Variants in AKT3 observed in about 807,000 individuals in gnomAD.
AKT3 encodes the protein AKT serine/threonine kinase 3.
AKT3 carries 15 observed loss-of-function variants against 65.3 expected under a neutral mutation model. That is an observed-to-expected ratio of 0.23 (90% CI 0.15 to 0.35). The LOEUF is 0.35. AKT3 is among the 10% of genes least tolerant of loss of function. AKT3 has a pLI of 1.00. For missense variants in AKT3, 243 were observed against 576.5 expected (o/e 0.42, Z 5.92); for synonymous variants, 206 against 183.8 (o/e 1.12, Z -0.98).
intron 2 of AKT3, among the ~76,000 whole-genome samples, chr1:243,706,715 G>A (rs1020517546): frequency 2.0e-5 from 3 of 152,094 alleles, no homozygotes; most frequent in African/African-American, 7.3e-5. Flanking sequence ...GGAAGAAGAG[G>A]TAAGAGCAAG....
chr1:243,710,802 A>T (rs571176998), intron 2 of AKT3, among the ~76,000 whole-genome samples: 1 of 152,320 alleles, frequency 6.6e-6, no homozygotes, highest in South Asian at 2.1e-4. Context: ...ATGTGAGCTT[A>T]ATTAGTTTCT....
intron 1 of AKT3, among the ~76,000 whole-genome samples, chr1:243,849,386 A>ACCCCCCCCCCCC (rs57424400): frequency 3.9e-3 from 422 of 107,064 alleles, no homozygotes; most frequent in African/African-American, 8.1e-3. Flanking sequence ...CCACACACAC[A>ACCCCCCCCCCCC]CCCCCCCCCC....
chr1:243,761,244 T>A (rs1689473284), intron 2 of AKT3, among the ~76,000 whole-genome samples: 1 of 152,136 alleles, frequency 6.6e-6, no homozygotes, highest in African/African-American at 2.4e-5. Context: ...CAGTGAAATA[T>A]AAAACTATAC....
intron 12 of AKT3, among the ~76,000 whole-genome samples, chr1:243,529,778 T>G (rs576980404): frequency 2.0e-5 from 3 of 152,226 alleles, no homozygotes; most frequent in Non-Finnish European, 4.4e-5. Context: ...TTCGGGTTCT[T>G]TTTCGGGTCC....
intron 2 of AKT3, among the ~76,000 whole-genome samples, chr1:243,774,336 G>C (rs1308642130): frequency 6.6e-6 from 1 of 152,052 alleles, no homozygotes; most frequent in African/African-American, 2.4e-5. Context: ...TTATACCATT[G>C]CTACAATACT....
intron 1 of AKT3, chr1:243,843,597 G>A (rs1166429375): frequency 5.0e-6 from 5 of 998,880 alleles, no homozygotes; most frequent in African/African-American, 1.7e-5. Context: ...GAAGAGGGAA[G>A]AGAATGAAAG....
chr1:243,801,749 A>C (rs539751160), intron 2 of AKT3, among the ~76,000 whole-genome samples: 30 of 152,344 alleles, frequency 2.0e-4, no homozygotes, highest in African/African-American at 6.3e-4. Flanking sequence ...AATTTAATCT[A>C]CTATTTCAAA....
chr1:243,530,682 T>C (rs1371029614), intron 12 of AKT3, among the ~76,000 whole-genome samples: 1 of 152,008 alleles, frequency 6.6e-6, no homozygotes, highest in African/African-American at 2.4e-5. Flanking sequence ...CAGAGCGGAA[T>C]TGAAGGAAAT....
At chr1:243,554,627 G>C (rs990593223) in intron 10 of AKT3, among the ~76,000 whole-genome samples, 3 of 152,142 alleles carry the variant, frequency 2.0e-5, no homozygotes, top group African/African-American at 7.2e-5. Context: ...TGGCCAATTA[G>C]TACAATGCAC....
chr1:243,681,880 T>C (rs1162818447), intron 3 of AKT3, among the ~76,000 whole-genome samples: 2 of 152,110 alleles, frequency 1.3e-5, no homozygotes, highest in Non-Finnish European at 2.9e-5. Flanking sequence ...AAAATGCAAT[T>C]ACACAAATAA....
At chr1:243,633,932 A>G (rs905155537) in intron 6 of AKT3, among the ~76,000 whole-genome samples, 1 of 152,120 alleles carries the variant, frequency 6.6e-6, no homozygotes, top group Non-Finnish European at 1.5e-5. Flanking sequence ...AAAAATTATT[A>G]CATGAAAATA....
At chr1:243,817,969 C>T (rs1435643094) in intron 2 of AKT3, 1 of 152,188 alleles carries the variant, frequency 6.6e-6, no homozygotes, top group African/African-American at 2.4e-5. Context: ...TTTAAAGAAG[C>T]TGTCTTAACA....
At chr1:243,579,812 T>G (rs1007200246) in intron 8 of AKT3, among the ~76,000 whole-genome samples, 5 of 152,136 alleles carry the variant, frequency 3.3e-5, no homozygotes, top group Non-Finnish European at 7.4e-5. Flanking sequence ...ACAGAATACT[T>G]GAACATGACA....
chr1:243,666,325 C>A (rs1276356508), intron 3 of AKT3, among the ~76,000 whole-genome samples: 1 of 152,026 alleles, frequency 6.6e-6, no homozygotes, highest in African/African-American at 2.4e-5. Context: ...CTTTATTGGC[C>A]CTTTACACTG....
intron 10 of AKT3, among the ~76,000 whole-genome samples, chr1:243,558,348 T>A (rs1673547897): frequency 6.6e-6 from 1 of 152,010 alleles, no homozygotes; most frequent in African/African-American, 2.4e-5. Flanking sequence ...AATCTTTGTA[T>A]CAAAATAGTT....
chr1:243,809,459 G>GA (rs1418534841), intron 2 of AKT3, among the ~76,000 whole-genome samples: 2 of 152,240 alleles, frequency 1.3e-5, no homozygotes, highest in Middle Eastern at 3.4e-3. Context: ...ATGGTAAAGG[G>GA]ATCAATTCAA....
chr1:243,759,550 GA>G (rs201086316), intron 2 of AKT3, among the ~76,000 whole-genome samples: 94 of 145,492 alleles, frequency 6.5e-4, no homozygotes, highest in Non-Finnish European at 6.5e-4. Context: ...GAATTAAAAA[GA>G]AAAAAAAAAT....
intron 2 of AKT3, among the ~76,000 whole-genome samples, chr1:243,788,297 T>C (rs1178843624): frequency 6.6e-5 from 10 of 152,226 alleles, no homozygotes; most frequent in Admixed American, 2.0e-4. Context: ...GTAGATGTCA[T>C]GTATCTTGGT....
rs61833235 is a variant in AKT3, at chr1:243,810,414, T to C, written c.46+32711A>G. On this transcript the variant is annotated intron_variant, in intron 2 of 13. Coordinates refer to ENST00000673466, the MANE Select transcript of AKT3 (RefSeq NM_005465.7). The stretch of plus-strand genomic sequence containing the variant: ...TATAAACACCTCTATGCAAATAAAC[T>C]AGAAAATCTAGAAGAAACGGATAAA... Among the ~76,000 whole-genome samples the C allele has an allele frequency of 9.1e-3, 1,383 of 152,214 alleles. 20 individuals carry two copies. Among genetic ancestry groups the C allele is most frequent in the Non-Finnish European group, 0.013 (893 of 68,002 alleles).
Sources: gnomAD v4.1 joint callset for allele counts (sites outside exome capture counted in the v4.1 genomes callset) on GRCh38, gnomAD v4.1.1 for gene constraint, MANE v1.5 for transcripts, NCBI Gene and HGNC (gene_info 2026-07-23, HGNC 2026-07-21) for gene names.